Variants in GRID1 observed in about 807,000 individuals in gnomAD.
GRID1 encodes the protein glutamate receptor ionotropic, delta-1.
Under a neutral mutation model 98.0 loss-of-function variants are expected in GRID1, and 28 were observed. The ratio of observed to expected loss-of-function variants is 0.29; its 90% CI spans 0.21 to 0.39. The LOEUF is 0.39. Among genes scored for constraint, GRID1 ranks in the 10% least tolerant of loss-of-function variants. The pLI, the probability that GRID1 is intolerant of heterozygous loss-of-function variation, is 1.00. For synonymous variants in GRID1, 553 were observed against 538.5 expected (o/e 1.03, Z -0.37); for missense variants, 1,111 against 1,340.5 (o/e 0.83, Z 2.67).
At chr10:85,712,827 C>T (rs1841596447) in intron 12 of GRID1, among the ~76,000 whole-genome samples, 1 of 151,150 alleles carries the variant, frequency 6.6e-6, no homozygotes, top group Non-Finnish European at 1.5e-5. Context: ...ACAAGTAGAT[C>T]ATAGAAAAAA....
rs1554857296 is a variant in GRID1, at chr10:85,599,802, A to ATATATATATATATATATATATATATATAT, written c.*2470_*2471insATATATATATATATATATATATATATATA. The ATATATATATATATATATATATATATATAT allele has an allele frequency of 1.5e-5, 1 of 65,000 alleles. No homozygotes were observed. Among genetic ancestry groups the ATATATATATATATATATATATATATATAT allele is most frequent in the Non-Finnish European group, 2.6e-5 (1 of 38,794 alleles). 4.0% of individuals were successfully genotyped at this position (65,000 alleles called of 1,614,324 possible). ...GTAGAAAATTCTAAAAAAAAAAAAAAATATATATATATATATATAAACATG... is the reference window on the plus strand; with the variant it reads ...GTAGAAAATTCTAAAAAAAAAAAAAATATATATATATATATATATATATATATATATATATATATATATATATAAACATG... On this transcript the variant is annotated 3_prime_UTR_variant, in exon 16 of 16. Coordinates refer to ENST00000327946, the MANE Select transcript of GRID1 (RefSeq NM_017551.3).
At chr10:86,306,703 A>G (rs1412814489) in intron 2 of GRID1, among the ~76,000 whole-genome samples, 1 of 152,210 alleles carries the variant, frequency 6.6e-6, no homozygotes, top group Non-Finnish European at 1.5e-5. Context: ...CACCCAGGCT[A>G]GAAAACAAAG....
intron 12 of GRID1, among the ~76,000 whole-genome samples, chr10:85,689,292 A>T (rs1273201764): frequency 1.3e-5 from 2 of 152,214 alleles, no homozygotes; most frequent in African/African-American, 4.8e-5. Flanking sequence ...ACAAGATAAG[A>T]TGTAAATGGG....
rs146837181 is a variant in GRID1, at chr10:86,053,159, T to G, written c.726+85660A>C. Among the ~76,000 whole-genome samples, 177 of 152,332 alleles carry G rather than the reference T, an allele frequency of 1.2e-3. 1 individual carries two copies. Among genetic ancestry groups the G allele is most frequent in the African/African-American group, 4.1e-3 (169 of 41,562 alleles). Reference sequence around the variant, plus strand: ...TATTCACTGCAGTTATCCCAGGGAATGGGGTAATGGATGACTTTTATTCTT... The same window carrying G: ...TATTCACTGCAGTTATCCCAGGGAAGGGGGTAATGGATGACTTTTATTCTT... On this transcript the variant is annotated intron_variant, in intron 4 of 15. Transcript: ENST00000327946.
chr10:85,734,738 A>T (rs1401994172), intron 8 of GRID1, among the ~76,000 whole-genome samples: 1 of 152,326 alleles, frequency 6.6e-6, no homozygotes. Flanking sequence ...AAACTGTGTG[A>T]TCTTGCCCAA....
At chr10:85,848,231 T>C (rs1282432821) in intron 8 of GRID1, among the ~76,000 whole-genome samples, 1 of 151,960 alleles carries the variant, frequency 6.6e-6, no homozygotes, top group Non-Finnish European at 1.5e-5. Flanking sequence ...ATATGTATCA[T>C]GTACATCAGG....
intron 4 of GRID1, among the ~76,000 whole-genome samples, chr10:85,943,963 C>A (rs1842025111): frequency 6.6e-6 from 1 of 152,194 alleles, no homozygotes; most frequent in African/African-American, 2.4e-5. Context: ...AAGTTCTCAG[C>A]ACTGGGGCTT....
intron 4 of GRID1, among the ~76,000 whole-genome samples, chr10:85,945,896 A>C (rs998123475): frequency 2.0e-5 from 3 of 152,216 alleles, no homozygotes; most frequent in Non-Finnish European, 4.4e-5. Context: ...AAATACTGGA[A>C]ATATTTCCGA....
At chr10:85,889,015 T>C (rs757181882) in intron 5 of GRID1, among the ~76,000 whole-genome samples, 7 of 152,226 alleles carry the variant, frequency 4.6e-5, no homozygotes, top group African/African-American at 7.2e-5. Context: ...AGATGTGATA[T>C]TCCTGAAATA....
intron 5 of GRID1, among the ~76,000 whole-genome samples, chr10:85,895,742 A>T (rs1479905697): frequency 6.6e-6 from 1 of 152,102 alleles, no homozygotes. Context: ...TAAATTGAAA[A>T]TTTTCTTTGA....
chr10:85,652,039 C>A (rs573836255), intron 12 of GRID1, among the ~76,000 whole-genome samples: 36 of 152,254 alleles, frequency 2.4e-4, no homozygotes, highest in African/African-American at 8.4e-4. Flanking sequence ...ATAGCTGATA[C>A]CTTTGAGCAC....
At chr10:85,848,137 T>C (rs1481410449) in intron 8 of GRID1, among the ~76,000 whole-genome samples, 2 of 152,144 alleles carry the variant, frequency 1.3e-5, no homozygotes, top group Non-Finnish European at 2.9e-5. Context: ...ATCAACCATA[T>C]TTTTTAGCAT....
intron 8 of GRID1, among the ~76,000 whole-genome samples, chr10:85,847,364 A>G (rs994076307): frequency 2.0e-5 from 3 of 152,212 alleles, no homozygotes; most frequent in South Asian, 2.1e-4. Context: ...CCAACCCTGA[A>G]GCCTTCCTAG....
In GRID1 at chr10:85,953,804, A is replaced by C. The variant is rs537626648; in HGVS notation, c.727-37565T>G. Among the ~76,000 whole-genome samples the C allele has an allele frequency of 2.2e-4, 33 of 152,322 alleles. 1 individual carries two copies. The highest frequency in any genetic ancestry group is 6.7e-4 in the African/African-American group (28 of 41,570). On this transcript the variant is annotated intron_variant, in intron 4 of 15. Transcript: ENST00000327946. The stretch of plus-strand genomic sequence containing the variant: ...CACTTTCACAGAAACCCTCACACAG[A>C]AATATCACACTGTCTGGTTTTAATA...
intron 12 of GRID1, among the ~76,000 whole-genome samples, chr10:85,693,747 G>A (rs56881809): frequency 0.045 from 6,872 of 152,188 alleles, 472 homozygotes; most frequent in African/African-American, 0.15. Flanking sequence ...AAAGAATGAA[G>A]TTGGACCCTT....
At chr10:86,228,407 C>A (rs1458647819) in intron 2 of GRID1, among the ~76,000 whole-genome samples, 3 of 152,060 alleles carry the variant, frequency 2.0e-5, no homozygotes, top group Non-Finnish European at 2.9e-5. Context: ...CACCACCCAA[C>A]CACAAAGGCA....
At position 86,285,327 on chromosome 10, in the gene GRID1, G is replaced by A. The variant is rs192009845; in HGVS notation, c.235+78614C>T. On this transcript the variant is annotated intron_variant, in intron 2 of 15. Transcript: ENST00000327946. Reference sequence around the variant, plus strand: ...CTTCCTGGATGGCATGCTGAGGATCGCCCTGCACATGACACTCATGGTGAA... The same window carrying A: ...CTTCCTGGATGGCATGCTGAGGATCACCCTGCACATGACACTCATGGTGAA... Among the ~76,000 whole-genome samples, 16 of 152,294 alleles carry A rather than the reference G, an allele frequency of 1.1e-4. No individual in the cohort carries two copies. In the East Asian group the frequency reaches 2.3e-3, roughly 22 times the overall value.
chr10:85,896,175 G>A (rs868829519), intron 5 of GRID1, among the ~76,000 whole-genome samples: 11 of 152,082 alleles, frequency 7.2e-5, no homozygotes, highest in South Asian at 6.2e-4. Flanking sequence ...ATGAAGTTTC[G>A]TGGCTTTTCT....
chr10:86,099,916 G>A (rs1165011771), intron 4 of GRID1, among the ~76,000 whole-genome samples: 1 of 152,152 alleles, frequency 6.6e-6, no homozygotes, highest in African/African-American at 2.4e-5. Context: ...GGGGTATCTG[G>A]GGCCAACTTC....
Sources: gnomAD v4.1 joint callset for allele counts (sites outside exome capture counted in the v4.1 genomes callset) on GRCh38, gnomAD v4.1.1 for gene constraint, MANE v1.5 for transcripts, NCBI Gene and HGNC (gene_info 2026-07-23, HGNC 2026-07-21) for gene names.